TCF12: variants seen among roughly 807,000 people sequenced by gnomAD.
TCF12 encodes the protein transcription factor 12, also known as DNA-binding protein HTF4.
TCF12 carries 45 observed loss-of-function variants against 86.0 expected under a neutral mutation model. That is an observed-to-expected ratio of 0.52 (90% CI 0.41 to 0.67). The LOEUF (loss-of-function observed/expected upper bound fraction) is 0.67. Among genes scored for constraint, TCF12 ranks in the 30% least tolerant of loss-of-function variants. The pLI is 0.00. For synonymous variants in TCF12, 330 were observed against 299.6 expected (o/e 1.10, Z -1.05); for missense variants, 881 against 859.9 (o/e 1.02, Z -0.31).
chr15:57,046,341 ACTTT>A (rs1327208926), intron 3 of TCF12, among the ~76,000 whole-genome samples: 1 of 152,154 alleles, frequency 6.6e-6, no homozygotes, highest in African/African-American at 2.4e-5. Context: ...ACTATATTCT[ACTTT>A]CTTTGTTGAC....
chr15:57,261,450 A>G (rs1567007084), intron 16 of TCF12, among the ~76,000 whole-genome samples: 1 of 152,288 alleles, frequency 6.6e-6, no homozygotes, highest in East Asian at 1.9e-4. Flanking sequence ...TAAAAGCTAT[A>G]TTAATTACTC....
At chr15:57,015,506 G>A (rs1289159827) in intron 3 of TCF12, among the ~76,000 whole-genome samples, 2 of 152,100 alleles carry the variant, frequency 1.3e-5, no homozygotes, top group African/African-American at 2.4e-5. Flanking sequence ...TCCATAAAGT[G>A]GCTGAATGCC....
chr15:57,184,589 A>G (rs989148764), intron 6 of TCF12, among the ~76,000 whole-genome samples: 9 of 152,226 alleles, frequency 5.9e-5, no homozygotes, highest in African/African-American at 1.7e-4. Flanking sequence ...GGCACTGAGC[A>G]GGAAAAATCC....
At chr15:57,124,844 AC>A (rs2051518705) in intron 5 of TCF12, among the ~76,000 whole-genome samples, 1 of 148,470 alleles carries the variant, frequency 6.7e-6, no homozygotes, top group African/African-American at 2.5e-5. Context: ...TGCCCGGCTA[AC>A]TTTTTTTTTG....
rs138418627 is a variant in TCF12, at chr15:57,044,710, A to AT, written c.149-19030dup. The stretch of plus-strand genomic sequence containing the variant: ...CTTTAGTCATGTGATTTTTCAGGTA[A>AT]TTTTTTTTTTATAAGACTGTGTTTA... On this transcript the variant is annotated intron_variant, in intron 3 of 20. Coordinates refer to ENST00000333725, the MANE Select transcript of TCF12 (RefSeq NM_207037.2). Among the ~76,000 whole-genome samples, 679 of 148,902 alleles carry AT rather than the reference A, an allele frequency of 4.6e-3. 5 individuals carry two copies. The highest frequency in any genetic ancestry group is 0.012 in the African/African-American group (501 of 40,616).
chr15:57,217,005 G>T (rs544622111), intron 8 of TCF12, among the ~76,000 whole-genome samples: 2 of 152,008 alleles, frequency 1.3e-5, no homozygotes, highest in African/African-American at 2.4e-5. Flanking sequence ...TGTTGTTGTT[G>T]TTTTTTTAAG....
chr15:57,180,397 C>T (rs2056251915), intron 6 of TCF12, among the ~76,000 whole-genome samples: 1 of 152,152 alleles, frequency 6.6e-6, no homozygotes, highest in Non-Finnish European at 1.5e-5. Context: ...TAATAATTCT[C>T]CTTTTAGAAC....
At chr15:57,123,688 A>G (rs1292015789) in intron 5 of TCF12, among the ~76,000 whole-genome samples, 1 of 151,926 alleles carries the variant, frequency 6.6e-6, no homozygotes, top group Non-Finnish European at 1.5e-5. Context: ...GCAGTGGCTC[A>G]TGCCTGTAAT....
chr15:57,201,454 GC>G (rs1209890664), intron 8 of TCF12, among the ~76,000 whole-genome samples: 6 of 152,012 alleles, frequency 3.9e-5, no homozygotes, highest in Middle Eastern at 3.2e-3. Flanking sequence ...CAGGTAAAAG[GC>G]CTGGAGGTGT....
intron 3 of TCF12, among the ~76,000 whole-genome samples, chr15:56,993,900 C>A (rs777928767): frequency 2.0e-5 from 3 of 152,170 alleles, no homozygotes; most frequent in African/African-American, 7.2e-5. Context: ...TTTCAACTCA[C>A]ATGAGAAGAG....
intron 3 of TCF12, among the ~76,000 whole-genome samples, chr15:56,986,466 C>T (rs1466260949): frequency 6.6e-6 from 1 of 152,142 alleles, no homozygotes; most frequent in Non-Finnish European, 1.5e-5. Context: ...TTTGGTATTA[C>T]AGTATGTCCT....
intron 5 of TCF12, among the ~76,000 whole-genome samples, chr15:57,157,286 TC>T (rs1215467181): frequency 2.0e-5 from 3 of 152,050 alleles, no homozygotes; most frequent in African/African-American, 7.2e-5. Context: ...TTTTTTTTTT[TC>T]CTGAAAAACA....
intron 3 of TCF12, among the ~76,000 whole-genome samples, chr15:56,954,601 C>T (rs1215464498): frequency 7.2e-5 from 11 of 152,118 alleles, no homozygotes; most frequent in African/African-American, 1.2e-4. Context: ...AGCTTCTGCA[C>T]GGCAAAAGAA....
At chr15:56,988,706 A>G (rs2063309806) in intron 3 of TCF12, among the ~76,000 whole-genome samples, 1 of 152,208 alleles carries the variant, frequency 6.6e-6, no homozygotes, top group African/African-American at 2.4e-5. Flanking sequence ...ATTGAACTTT[A>G]AAGTGTATTA....
intron 3 of TCF12, among the ~76,000 whole-genome samples, chr15:56,999,503 A>T (rs1195567058): frequency 6.6e-6 from 1 of 152,166 alleles, no homozygotes; most frequent in Non-Finnish European, 1.5e-5. Flanking sequence ...TAGGTGAAAT[A>T]GACTAATTCC....
chr15:57,261,867 A>G lies in TCF12; in HGVS notation c.1468-227A>G, dbSNP rs554056797. Among the ~76,000 whole-genome samples, 11 of 152,226 alleles carry G rather than the reference A, an allele frequency of 7.2e-5. 1 individual carries two copies. In the South Asian group the frequency reaches 2.3e-3, roughly 32 times the overall value. On this transcript the variant is annotated intron_variant, in intron 16 of 20. Coordinates refer to ENST00000333725, the MANE Select transcript of TCF12 (RefSeq NM_207037.2). The stretch of plus-strand genomic sequence containing the variant: ...TTAAAATTTACAAATTAGAAGTTTC[A>G]TTTTTTAAAAAAGGTATGTTTTGGT...
chr15:57,094,003 A>G (rs1350509658), intron 5 of TCF12, among the ~76,000 whole-genome samples: 2 of 152,006 alleles, frequency 1.3e-5, no homozygotes, highest in Admixed American at 6.6e-5. Context: ...ACAGCCTTGA[A>G]CTCCTGAGCT....
intron 3 of TCF12, among the ~76,000 whole-genome samples, chr15:57,055,161 GAGGCCGAAGC>G (rs1218359779): frequency 6.6e-6 from 1 of 152,086 alleles, no homozygotes; most frequent in African/African-American, 2.4e-5. Context: ...AGCACTTTGG[GAGGCCGAAGC>G]AGGCGAATCA....
chr15:57,007,808 TTCTTTCTTTCTTTTTC>T (rs1352896773), intron 3 of TCF12, among the ~76,000 whole-genome samples: 94 of 125,426 alleles, frequency 7.5e-4, no homozygotes, highest in Middle Eastern at 4.4e-3. Context: ...CTTTCTTTCT[TTCTTTCTTTCTTTTTC>T]TTTCTTTCTT....
Sources: allele counts gnomAD v4.1 joint callset (sites outside exome capture counted in the v4.1 genomes callset), GRCh38; gene constraint gnomAD v4.1.1; transcripts MANE v1.5; gene names NCBI Gene and HGNC (gene_info 2026-07-23, HGNC 2026-07-21).